Variants in GRM1 observed in about 807,000 individuals in gnomAD.
GRM1 encodes glutamate metabotropic receptor 1, also known as metabotropic glutamate receptor 1.
A neutral mutation model predicts 90.9 loss-of-function variants in GRM1; 33 were observed. The observed-to-expected ratio is 0.36, with a 90% CI of 0.28 to 0.49. GRM1 has a LOEUF of 0.49. Ranked by LOEUF, GRM1 falls within the 20% of genes least tolerant of loss-of-function variation. GRM1 has a pLI of 0.99. For synonymous variants in GRM1, 700 were observed against 613.2 expected, an observed-to-expected ratio of 1.14 and a Z score of -2.09; for missense variants, 1,190 against 1,534.3, an observed-to-expected ratio of 0.78 and a Z score of 3.75.
intron 2 of GRM1, among the ~76,000 whole-genome samples, chr6:146,179,097 A>G (rs17075701): frequency 0.032 from 4,898 of 152,284 alleles, 269 homozygotes; most frequent in African/African-American, 0.11. Flanking sequence ...GTACCAGACT[A>G]TAAACCACTG....
In GRM1 at chr6:146,111,807, G is replaced by A. The variant is rs148757093; in HGVS notation, c.701-47541G>A. On this transcript the variant is annotated intron_variant, in intron 1 of 7. Coordinates refer to ENST00000282753, the MANE Select transcript of GRM1 (RefSeq NM_001278064.2). Reference sequence around the variant, plus strand: ...AAGAAGTCAATGAGAAGGGTAACAAGGCTCTCTGGCTGTTGGGGGTGTTGA... The same window carrying A: ...AAGAAGTCAATGAGAAGGGTAACAAAGCTCTCTGGCTGTTGGGGGTGTTGA... Among the ~76,000 whole-genome samples, 444 of 152,302 alleles carry A rather than the reference G, an allele frequency of 2.9e-3. 1 individual carries two copies. Among genetic ancestry groups the A allele is most frequent in the Non-Finnish European group, 3.5e-3 (241 of 68,022 alleles).
intron 6 of GRM1, among the ~76,000 whole-genome samples, chr6:146,388,331 G>C (rs147448152): frequency 8.9e-4 from 136 of 152,016 alleles, no homozygotes; most frequent in African/African-American, 3.2e-3. Flanking sequence ...GTCTTTTTGG[G>C]TGCTGTTGAA....
chr6:146,326,657 A>G (rs362946), intron 3 of GRM1, among the ~76,000 whole-genome samples: 35,941 of 152,138 alleles, frequency 0.24, 9,076 homozygotes, highest in African/African-American at 0.64. Context: ...AGTAAATCAA[A>G]ATATAAATAT....
rs1049574929 is a variant in GRM1, at chr6:146,305,163, C to A, written c.1186+317C>A. ...TTTTATTACAAACATGTTTAGGAGA[C>A]CTTAGCCATAGACATAAGTCAGCAA... On this transcript the variant is annotated intron_variant, in intron 3 of 7. Coordinates refer to ENST00000282753, the MANE Select transcript of GRM1 (RefSeq NM_001278064.2). 2.6e-5 allele frequency among the ~76,000 whole-genome samples: 4 copies of A among 151,634 alleles called. No homozygotes were observed. The East Asian group carries it at 7.8e-4, about 29-fold the overall frequency.
chr6:146,120,347 T>C (rs1775931636), intron 1 of GRM1, among the ~76,000 whole-genome samples: 1 of 152,184 alleles, frequency 6.6e-6, no homozygotes, highest in African/African-American at 2.4e-5. Flanking sequence ...GCTGAGACGA[T>C]GGGGTTTTCT....
At chr6:146,327,441 A>G (rs1355360249) in intron 3 of GRM1, among the ~76,000 whole-genome samples, 1 of 152,006 alleles carries the variant, frequency 6.6e-6, no homozygotes, top group Non-Finnish European at 1.5e-5. Flanking sequence ...CAGAAATGAA[A>G]CTCTTCCTGA....
At chr6:146,147,110 C>G (rs1222624128) in intron 1 of GRM1, among the ~76,000 whole-genome samples, 6 of 152,236 alleles carry the variant, frequency 3.9e-5, no homozygotes, top group Non-Finnish European at 8.8e-5. Flanking sequence ...CACTTTGCTT[C>G]TCTAGCTACA....
intron 2 of GRM1, among the ~76,000 whole-genome samples, chr6:146,175,844 T>A (rs1778321017): frequency 6.6e-6 from 1 of 152,112 alleles, no homozygotes; most frequent in Non-Finnish European, 1.5e-5. Context: ...CATTAGGTTA[T>A]AAAAATATAT....
intron 1 of GRM1, among the ~76,000 whole-genome samples, chr6:146,125,572 T>G (rs1280453139): frequency 6.6e-6 from 1 of 152,086 alleles, no homozygotes; most frequent in Non-Finnish European, 1.5e-5. Flanking sequence ...TTCTTAGACT[T>G]AAGGTATAAA....
intron 2 of GRM1, among the ~76,000 whole-genome samples, chr6:146,273,690 C>G (rs1332043146): frequency 6.6e-6 from 1 of 152,148 alleles, no homozygotes; most frequent in African/African-American, 2.4e-5. Context: ...GAAAGTGTTT[C>G]TTTTATAAAC....
intron 1 of GRM1, among the ~76,000 whole-genome samples, chr6:146,120,959 G>A (rs894690440): frequency 1.8e-4 from 28 of 152,308 alleles, no homozygotes; most frequent in Non-Finnish European, 3.4e-4. Context: ...CATAAAATGA[G>A]TTAGGGAGGA....
chr6:146,362,402 G>A (rs746270263), intron 5 of GRM1, among the ~76,000 whole-genome samples: 7 of 152,072 alleles, frequency 4.6e-5, no homozygotes, highest in African/African-American at 9.7e-5. Context: ...CATTCCGGCC[G>A]GGTGCGGTGG....
chr6:146,429,178 A>T (rs1263202703), intron 7 of GRM1, among the ~76,000 whole-genome samples: 1 of 152,198 alleles, frequency 6.6e-6, no homozygotes, highest in Non-Finnish European at 1.5e-5. Flanking sequence ...ATGAAGGTAG[A>T]ATTAAAGGGG....
intron 2 of GRM1, among the ~76,000 whole-genome samples, chr6:146,242,199 C>A (rs1216755325): frequency 6.6e-6 from 1 of 152,046 alleles, no homozygotes; most frequent in Admixed American, 6.6e-5. Flanking sequence ...GTGTGACTAC[C>A]ATGTGTCTAG....
chr6:146,272,066 G>A (rs557362135), intron 2 of GRM1, among the ~76,000 whole-genome samples: 34 of 152,168 alleles, frequency 2.2e-4, no homozygotes, highest in Admixed American at 5.9e-4. Flanking sequence ...CAGATACACA[G>A]TAGAGTTAGC....
chr6:146,352,122 C>A lies in GRM1; in HGVS notation c.1187-128C>A, dbSNP rs561687126. The A allele has an allele frequency of 9.3e-6, 8 of 855,856 alleles. No individual in the cohort carries two copies. In the East Asian group the frequency reaches 1.7e-4, roughly 18 times the overall value. 53.0% of individuals were successfully genotyped at this position (855,856 alleles called of 1,614,324 possible). On this transcript the variant is annotated intron_variant, in intron 3 of 7. Coordinates refer to ENST00000282753, the MANE Select transcript of GRM1 (RefSeq NM_001278064.2). ...CAAGTACAAAGCTTGCACAGGTGGG[C>A]GTGGCTTCTGCCAGTGTCATTGCTC...
At chr6:146,101,077 A>T (rs1175099644) in intron 1 of GRM1, among the ~76,000 whole-genome samples, 1 of 152,216 alleles carries the variant, frequency 6.6e-6, no homozygotes, top group African/African-American at 2.4e-5. Context: ...TGAATGACAA[A>T]GTGAGAACCT....
At chr6:146,157,667 A>G (rs563773128) in intron 1 of GRM1, among the ~76,000 whole-genome samples, 7 of 152,100 alleles carry the variant, frequency 4.6e-5, no homozygotes, top group Non-Finnish European at 1.0e-4. Context: ...CAAGAGAGGG[A>G]ACAACTGTAG....
intron 3 of GRM1, among the ~76,000 whole-genome samples, chr6:146,325,624 TA>T (rs1248990929): frequency 3.0e-4 from 46 of 152,348 alleles, no homozygotes; most frequent in Admixed American, 2.7e-3. Context: ...AGCAAACGGC[TA>T]GGAATCCCAC....
Sources: gnomAD v4.1 joint callset for allele counts (sites outside exome capture counted in the v4.1 genomes callset) on GRCh38, gnomAD v4.1.1 for gene constraint, MANE v1.5 for transcripts, NCBI Gene and HGNC (gene_info 2026-07-23, HGNC 2026-07-21) for gene names.